Variants in INSYN2B observed in about 807,000 individuals in gnomAD.
INSYN2B encodes the protein protein INSYN2B.
Under a neutral mutation model 41.2 loss-of-function variants are expected in INSYN2B, and 16 were observed. The observed-to-expected ratio is 0.39, with a 90% confidence interval of 0.26 to 0.59. The LOEUF (loss-of-function observed/expected upper bound fraction) is 0.59, where lower values mean the gene tolerates loss of function less well. Ranked by LOEUF, INSYN2B falls within the 20% of genes least tolerant of loss-of-function variation. The probability of loss-of-function intolerance (pLI) is 0.57; values close to 1 mark genes in which losing one functional copy is unlikely to be tolerated. For missense variants in INSYN2B, 608 were observed against 646.4 expected (o/e 0.94, Z 0.64); for synonymous variants, 245 against 244.4 (o/e 1.00, Z -0.02).
intron 1 of INSYN2B, among the ~76,000 whole-genome samples, chr5:169,963,405 G>A (rs1285335481): frequency 2.0e-5 from 3 of 152,184 alleles, no homozygotes; most frequent in Admixed American, 6.5e-5. Context: ...CATCCAGAGA[G>A]TCATACAAAA....
At chr5:169,974,349 A>T (rs747960437) in intron 1 of INSYN2B, among the ~76,000 whole-genome samples, 27 of 152,210 alleles carry the variant, frequency 1.8e-4, no homozygotes, top group Non-Finnish European at 2.9e-5. Context: ...ACACATAAAC[A>T]TCTGACTAAT....
At chr5:169,875,817 GC>G (rs995777174) in intron 3 of INSYN2B, 5 of 152,610 alleles carry the variant, frequency 3.3e-5, no homozygotes, top group African/African-American at 1.2e-4. Flanking sequence ...TCTTTCGTCA[GC>G]TGTTATCATT....
At chr5:169,875,408 C>A in intron 3 of INSYN2B, 1 of 420,254 alleles carries the variant, frequency 2.4e-6, no homozygotes. Context: ...CCTCACGATG[C>A]CCTTGGCTGA....
chr5:169,941,328 C>T (rs1426560640), intron 1 of INSYN2B, among the ~76,000 whole-genome samples: 6 of 152,190 alleles, frequency 3.9e-5, no homozygotes, highest in East Asian at 1.9e-4. Context: ...CTGTCTCAGC[C>T]GCCCAAGTAG....
intron 1 of INSYN2B, among the ~76,000 whole-genome samples, chr5:169,908,055 C>G (rs1489331374): frequency 6.6e-6 from 1 of 152,180 alleles, no homozygotes; most frequent in Non-Finnish European, 1.5e-5. Flanking sequence ...CAATTTAGAT[C>G]AAGCCATCCC....
chr5:169,950,261 T>C (rs898225165), intron 1 of INSYN2B, among the ~76,000 whole-genome samples: 4 of 152,244 alleles, frequency 2.6e-5, no homozygotes, highest in African/African-American at 9.6e-5. Context: ...TATTAACCTT[T>C]CTGAGCCTCA....
chr5:169,962,801 C>A (rs1434870113), intron 1 of INSYN2B, among the ~76,000 whole-genome samples: 1 of 152,138 alleles, frequency 6.6e-6, no homozygotes, highest in Non-Finnish European at 1.5e-5. Context: ...TGGCAAGTGT[C>A]AAGGTAGACG....
intron 1 of INSYN2B, among the ~76,000 whole-genome samples, chr5:169,975,786 G>T (rs1777695261): frequency 6.6e-6 from 1 of 152,150 alleles, no homozygotes. Flanking sequence ...TGTTCCCTCT[G>T]TTCCTGGCTC....
intron 1 of INSYN2B, among the ~76,000 whole-genome samples, chr5:169,913,283 T>C (rs1333841918): frequency 6.6e-6 from 1 of 152,238 alleles, no homozygotes; most frequent in Non-Finnish European, 1.5e-5. Flanking sequence ...TCTTTCTCTT[T>C]GTACAGAAAG....
At chr5:169,902,770 C>G (rs1774001890) in intron 1 of INSYN2B, among the ~76,000 whole-genome samples, 1 of 152,168 alleles carries the variant, frequency 6.6e-6, no homozygotes, top group African/African-American at 2.4e-5. Context: ...CTCAGACATT[C>G]TCCCAGAGCC....
At chr5:169,928,613 T>G (rs988144076) in intron 1 of INSYN2B, among the ~76,000 whole-genome samples, 3 of 152,314 alleles carry the variant, frequency 2.0e-5, no homozygotes, top group Admixed American at 2.0e-4. Context: ...GACAGTGTCA[T>G]GGAGGCCTAG....
At chr5:169,901,161 G>A (rs1352047198) in intron 1 of INSYN2B, among the ~76,000 whole-genome samples, 1 of 152,168 alleles carries the variant, frequency 6.6e-6, no homozygotes, top group Non-Finnish European at 1.5e-5. Context: ...GAGGGATGGT[G>A]GGTGTGATTG....
chr5:169,924,339 C>G (rs1334939411), intron 1 of INSYN2B, among the ~76,000 whole-genome samples: 2 of 152,216 alleles, frequency 1.3e-5, no homozygotes, highest in Non-Finnish European at 2.9e-5. Flanking sequence ...TACTCTTTCC[C>G]TGTCACCTTT....
At chr5:169,912,839 T>C (rs1452015869) in intron 1 of INSYN2B, among the ~76,000 whole-genome samples, 1 of 152,052 alleles carries the variant, frequency 6.6e-6, no homozygotes, top group Non-Finnish European at 1.5e-5. Flanking sequence ...TAGGAGGTAC[T>C]TCTTTTTTTT....
chr5:169,925,575 G>C, intron 1 of INSYN2B, among the ~76,000 whole-genome samples: 1 of 78,644 alleles, frequency 1.3e-5, no homozygotes. Context: ...GCAAGACTCT[G>C]TCTTAAAAAA....
Position 169,925,578 on chromosome 5 carries a change from T to TAAAAAAAAAAAAAAAAAA in INSYN2B, c.-918-40763_-918-40762insTTTTTTTTTTTTTTTTTT, listed in dbSNP as rs1561828965. Among the ~76,000 whole-genome samples, 10 of 32,324 alleles carry TAAAAAAAAAAAAAAAAAA rather than the reference T, an allele frequency of 3.1e-4. 3 individuals are homozygous for TAAAAAAAAAAAAAAAAAA. The highest frequency in any genetic ancestry group is 1.3e-3 in the African/African-American group (10 of 7,836). 21.2% of individuals were successfully genotyped at this position (32,324 alleles called of 152,430 possible). A position where few individuals can be genotyped will look rare whatever the true frequency, so the allele number is the denominator to read the frequency against. On this transcript the variant is annotated intron_variant, in intron 1 of 3. Coordinates refer to ENST00000377365, the MANE Select transcript of INSYN2B (RefSeq NM_001129891.3). ...CTGGGCGACAGAGCAAGACTCTGTC[T>TAAAAAAAAAAAAAAAAAA]TAAAAAAAAAAAAAAAAAAAAAAAA...
At chr5:169,869,630 T>C (rs1179952805) in intron 3 of INSYN2B, among the ~76,000 whole-genome samples, 2 of 152,188 alleles carry the variant, frequency 1.3e-5, no homozygotes, top group Non-Finnish European at 2.9e-5. Context: ...AAAGAGAAGA[T>C]GCATTTCTAC....
At chr5:169,951,995 A>C (rs1776684475) in intron 1 of INSYN2B, among the ~76,000 whole-genome samples, 1 of 152,162 alleles carries the variant, frequency 6.6e-6, no homozygotes, top group African/African-American at 2.4e-5. Flanking sequence ...TACAAATGAC[A>C]TTGTTGGTGC....
intron 3 of INSYN2B, among the ~76,000 whole-genome samples, chr5:169,879,516 G>T (rs1048644949): frequency 1.3e-5 from 2 of 152,164 alleles, no homozygotes; most frequent in Non-Finnish European, 2.9e-5. Flanking sequence ...GGCTTTGAAT[G>T]GTAATGAGGG....
Sources: allele counts gnomAD v4.1 joint callset (sites outside exome capture counted in the v4.1 genomes callset), GRCh38; gene constraint gnomAD v4.1.1; transcripts MANE v1.5; gene names NCBI Gene and HGNC (gene_info 2026-07-23, HGNC 2026-07-21).